Variants in PTPRN2 observed in about 807,000 individuals in gnomAD.
The protein encoded by PTPRN2 is protein tyrosine phosphatase receptor type N2.
A neutral mutation model predicts 118.8 loss-of-function variants in PTPRN2; 74 were observed. The ratio of observed to expected loss-of-function variants is 0.62; its 90% confidence interval spans 0.52 to 0.76. The LOEUF is 0.76. Among genes scored for constraint, PTPRN2 ranks in the 30% least tolerant of loss-of-function variants. PTPRN2 has a pLI of 0.00. For synonymous variants in PTPRN2, 641 were observed against 608.0 expected, an observed-to-expected ratio of 1.05 and a Z score of -0.80; for missense variants, 1,481 against 1,394.4, an observed-to-expected ratio of 1.06 and a Z score of -0.99.
intron 11 of PTPRN2, among the ~76,000 whole-genome samples, chr7:157,907,197 G>A (rs11766928): frequency 0.29 from 44,236 of 152,184 alleles, 7,273 homozygotes; most frequent in Non-Finnish European, 0.38. Flanking sequence ...TGTGGCCCGA[G>A]GGTGAGAACG....
chr7:157,706,117 A>G (rs1356260337), intron 12 of PTPRN2, among the ~76,000 whole-genome samples: 3 of 151,446 alleles, frequency 2.0e-5, no homozygotes, highest in African/African-American at 4.9e-5. Flanking sequence ...CGTGGACCAC[A>G]TTCCTCCAGA....
intron 12 of PTPRN2, among the ~76,000 whole-genome samples, chr7:157,689,183 G>C (rs1371429221): frequency 6.6e-6 from 1 of 152,248 alleles, no homozygotes; most frequent in African/African-American, 2.4e-5. Flanking sequence ...GTGAAAGGAA[G>C]AGCTTCCAGC....
intron 3 of PTPRN2, among the ~76,000 whole-genome samples, chr7:158,274,675 C>T (rs78311638): frequency 0.013 from 1,976 of 152,250 alleles, 43 homozygotes; most frequent in African/African-American, 0.043. Flanking sequence ...CTGCCTGGGA[C>T]GACATTACTG....
chr7:158,236,066 G>A (rs567819647), intron 3 of PTPRN2, among the ~76,000 whole-genome samples: 19 of 152,236 alleles, frequency 1.2e-4, no homozygotes, highest in Non-Finnish European at 2.5e-4. Flanking sequence ...CCCCAAGGAC[G>A]ACAGTGCAGA....
chr7:158,113,621 G>A (rs1042971841), intron 9 of PTPRN2, among the ~76,000 whole-genome samples: 6 of 152,164 alleles, frequency 3.9e-5, no homozygotes, highest in East Asian at 1.9e-4. Flanking sequence ...GGCGCATGCC[G>A]TGACTAGTCT....
intron 12 of PTPRN2, among the ~76,000 whole-genome samples, chr7:157,744,318 T>C (rs1005010861): frequency 6.6e-6 from 1 of 152,026 alleles, no homozygotes; most frequent in Non-Finnish European, 1.5e-5. Context: ...TCAAGGAGCC[T>C]GAAACTCAAA....
intron 3 of PTPRN2, among the ~76,000 whole-genome samples, chr7:158,247,160 A>T (rs1014658547): frequency 7.2e-5 from 11 of 152,176 alleles, no homozygotes; most frequent in South Asian, 2.1e-4. Flanking sequence ...TAGCCCCTGC[A>T]TCTCACTACA....
intron 12 of PTPRN2, among the ~76,000 whole-genome samples, chr7:157,792,457 C>T (rs1804571213): frequency 6.6e-6 from 1 of 152,198 alleles, no homozygotes; most frequent in African/African-American, 2.4e-5. Flanking sequence ...GGAGCTCAGC[C>T]GAGGTCTCCG....
At chr7:157,797,848 C>G (rs367696918) in intron 12 of PTPRN2, among the ~76,000 whole-genome samples, 1 of 152,220 alleles carries the variant, frequency 6.6e-6, no homozygotes, top group Non-Finnish European at 1.5e-5. Context: ...GAATTCTGAG[C>G]CCATTCCTGA....
At chr7:157,593,653 TG>T in intron 17 of PTPRN2, among the ~76,000 whole-genome samples, 1 of 152,182 alleles carries the variant, frequency 6.6e-6, no homozygotes. Flanking sequence ...GGAAGGGCCC[TG>T]GGGCTCCATT....
At chr7:158,417,626 T>C (rs1236328053) in intron 2 of PTPRN2, among the ~76,000 whole-genome samples, 5 of 151,194 alleles carry the variant, frequency 3.3e-5, no homozygotes, top group African/African-American at 1.2e-4. Flanking sequence ...CTGTGTTAAG[T>C]CACGGTGTCC....
At chr7:158,097,796 T>C (rs933380932) in intron 10 of PTPRN2, among the ~76,000 whole-genome samples, 36 of 152,332 alleles carry the variant, frequency 2.4e-4, no homozygotes, top group African/African-American at 7.7e-4. Context: ...TAAGAAATAA[T>C]GGGATTTATG....
At chr7:158,505,350 C>T (rs1014535322) in intron 1 of PTPRN2, among the ~76,000 whole-genome samples, 1 of 152,192 alleles carries the variant, frequency 6.6e-6, no homozygotes, top group Non-Finnish European at 1.5e-5. Context: ...AAAAGCTTTT[C>T]GTTCCATGTG....
chr7:158,326,600 G>A (rs1038707523), intron 2 of PTPRN2, among the ~76,000 whole-genome samples: 2 of 151,440 alleles, frequency 1.3e-5, no homozygotes, highest in African/African-American at 4.9e-5. Context: ...GCTCTCACAG[G>A]CACACGTTCT....
intron 3 of PTPRN2, among the ~76,000 whole-genome samples, chr7:158,213,218 G>C (rs1472152170): frequency 6.7e-6 from 1 of 150,022 alleles, no homozygotes; most frequent in African/African-American, 2.4e-5. Context: ...GTGTGTGTGT[G>C]TGTGTGTGTG....
At position 157,578,213 on chromosome 7, in the gene PTPRN2, C is replaced by T. The variant is rs764031335; in HGVS notation, c.2497-73G>A. On this transcript the variant is annotated intron_variant, in intron 17 of 22. Coordinates refer to ENST00000389418, the MANE Select transcript of PTPRN2 (RefSeq NM_002847.5). Reference sequence around the variant, plus strand: ...GCGTGACATGTGTAATTACTGCACTCGGAAGCACAGTCCAAATTTATTCCA... The same window carrying T: ...GCGTGACATGTGTAATTACTGCACTTGGAAGCACAGTCCAAATTTATTCCA... The T allele has an allele frequency of 2.7e-5, 40 of 1,482,888 alleles. No homozygotes were observed. In the East Asian group the frequency reaches 2.8e-4, roughly 10 times the overall value. The allele number at this position is 1,482,888 out of a possible 1,614,324, so 91.9% of individuals were successfully genotyped here. A position where few individuals can be genotyped will look rare whatever the true frequency, so the allele number is the denominator to read the frequency against.
chr7:158,341,533 T>G (rs1806789189), intron 2 of PTPRN2, among the ~76,000 whole-genome samples: 1 of 72,204 alleles, frequency 1.4e-5, no homozygotes, highest in South Asian at 4.2e-4. Flanking sequence ...ACTCTCACCA[T>G]AAGAGGTGAC....
At chr7:158,201,626 A>T (rs1422146850) in intron 4 of PTPRN2, among the ~76,000 whole-genome samples, 1 of 152,162 alleles carries the variant, frequency 6.6e-6, no homozygotes, top group Non-Finnish European at 1.5e-5. Flanking sequence ...GTCCAATAAG[A>T]AGCATCTTAC....
chr7:158,441,317 AATGAAG>A (rs1817144990), intron 2 of PTPRN2, among the ~76,000 whole-genome samples: 2 of 99,360 alleles, frequency 2.0e-5, no homozygotes, highest in African/African-American at 3.5e-5. Flanking sequence ...TGGTGATGGC[AATGAAG>A]GTGATGGTGA....
Sources: allele counts gnomAD v4.1 joint callset (sites outside exome capture counted in the v4.1 genomes callset), GRCh38; gene constraint gnomAD v4.1.1; transcripts MANE v1.5; gene names NCBI Gene and HGNC (gene_info 2026-07-23, HGNC 2026-07-21).